The following VPS45 variants were observed in gnomAD, a reference collection of about 807,000 sequenced individuals.
The protein encoded by VPS45 is vacuolar protein sorting 45 homolog.
In VPS45, 35 loss-of-function variants were observed where a neutral mutation model predicts 75.9. That is an observed-to-expected ratio of 0.46 (90% confidence interval 0.35 to 0.61). VPS45 has a LOEUF of 0.61. Among genes scored for constraint, VPS45 ranks in the 20% least tolerant of loss-of-function variants. VPS45 has a pLI of 0.00. For missense variants in VPS45, 559 were observed against 685.9 expected, an observed-to-expected ratio of 0.81 and a Z score of 2.07; for synonymous variants, 220 against 238.2, an observed-to-expected ratio of 0.92 and a Z score of 0.70.
chr1:150,081,303 T>G, intron 7 of VPS45, 39 bp from the exon 8 acceptor site: 1 of 1,563,416 alleles, frequency 6.4e-7, no homozygotes, highest in Non-Finnish European at 8.6e-7. Flanking sequence ...ATTTCCATAT[T>G]CTGTCAGTTA....
At chr1:150,121,957 G>C (rs1262057309) in intron 14 of VPS45, among the ~76,000 whole-genome samples, 1 of 152,168 alleles carries the variant, frequency 6.6e-6, no homozygotes, top group Non-Finnish European at 1.5e-5. Flanking sequence ...AAGGGAAATT[G>C]ATAGTGCTTG....
chr1:150,106,413 G>A (rs904102423), intron 13 of VPS45, among the ~76,000 whole-genome samples: 1 of 151,984 alleles, frequency 6.6e-6, no homozygotes, highest in Non-Finnish European at 1.5e-5. Context: ...CTGGGCAAAC[G>A]ACATGAAAAG....
chr1:150,088,434 A>AATATATATATATAT (rs200780573), intron 10 of VPS45, among the ~76,000 whole-genome samples: 71 of 125,524 alleles, frequency 5.7e-4, no homozygotes, highest in African/African-American at 1.8e-3. Context: ...CTGAATAATA[A>AATATATATATATAT]ATATATATAT....
At chr1:150,091,883 A>T in intron 10 of VPS45, 54 bp from the exon 11 acceptor site, 1 of 1,546,206 alleles carries the variant, frequency 6.5e-7, no homozygotes, top group Non-Finnish European at 8.8e-7. Context: ...AAGGCATTGT[A>T]CAACAGATGA....
intron 12 of VPS45, 114 bp downstream of exon 12, chr1:150,092,523 G>T (rs1656389570): frequency 1.2e-6 from 1 of 815,976 alleles, no homozygotes; most frequent in African/African-American, 1.7e-5. Context: ...ATTTAGTACT[G>T]TGTCAGTTAA....
At chr1:150,090,947 A>G (rs1394934473) in intron 10 of VPS45, among the ~76,000 whole-genome samples, 1 of 152,208 alleles carries the variant, frequency 6.6e-6, no homozygotes, top group Non-Finnish European at 1.5e-5. Context: ...CTTGCAGAAC[A>G]CACTTCTGTA....
At position 150,140,386 on chromosome 1, in the gene VPS45, GGTGTGTGTGTGTGTGTGTGTGTGTGT is replaced by G. The variant is rs574312693; in HGVS notation, c.1626-4306_1626-4281del. Among the ~76,000 whole-genome samples the G allele has an allele frequency of 4.3e-4, 60 of 140,432 alleles. 1 individual carries two copies. The East Asian group carries it at 0.012, about 28-fold the overall frequency. 92.1% of individuals were successfully genotyped at this position (140,432 alleles called of 152,430 possible). A position where few individuals can be genotyped will look rare whatever the true frequency, so the allele number is the denominator to read the frequency against. On this transcript the variant is annotated intron_variant, in intron 14 of 14. Transcript: ENST00000644510. Reference sequence around the variant, plus strand: ...ATTATATCCCAATTCCATCACTTCTGGTGTGTGTGTGTGTGTGTGTGTGTGTGTGTGTGTGTGTGTGTATTTAAAGT... The same window carrying G: ...ATTATATCCCAATTCCATCACTTCTGGTGTGTGTGTGTGTGTATTTAAAGT...
chr1:150,089,281 A>G (rs1656194047), intron 10 of VPS45, among the ~76,000 whole-genome samples: 1 of 152,190 alleles, frequency 6.6e-6, no homozygotes, highest in Non-Finnish European at 1.5e-5. Context: ...AGGGCAGGAA[A>G]TGAGACATTG....
chr1:150,076,372 T>C, intron 4 of VPS45, 60 bp downstream of exon 4: 3 of 1,368,420 alleles, frequency 2.2e-6, no homozygotes. Context: ...TATTTGAGTC[T>C]AAAAATAAAA....
At chr1:150,127,202 A>T (rs587758932) in intron 14 of VPS45, among the ~76,000 whole-genome samples, 17 of 152,370 alleles carry the variant, frequency 1.1e-4, no homozygotes, top group Admixed American at 5.2e-4. Context: ...AAAATACACT[A>T]CTAAAATTAA....
chr1:150,077,051 A>G (rs1043279720), intron 5 of VPS45, 43 bp from the exon 6 acceptor site: 16 of 1,613,068 alleles, frequency 9.9e-6, no homozygotes, highest in African/African-American at 1.3e-5. Flanking sequence ...CTTGTAAGAG[A>G]AAATTCAAAT....
chr1:150,067,754 T>G, upstream of VPS45: 1 of 1,189,734 alleles, frequency 8.4e-7, no homozygotes, highest in Non-Finnish European at 1.2e-6. Flanking sequence ...GGAAGCCGAA[T>G]CCCGGCTGGG....
intron 4 of VPS45, 22 bp from the exon 5 acceptor site, chr1:150,076,894 A>T: frequency 1.9e-6 from 3 of 1,613,378 alleles, no homozygotes; most frequent in Non-Finnish European, 2.5e-6. Context: ...TGGAATGACT[A>T]TTCTTGGTGC....
At chr1:150,108,886 C>A (rs147394624) in intron 13 of VPS45, among the ~76,000 whole-genome samples, 378 of 152,232 alleles carry the variant, frequency 2.5e-3, no homozygotes, top group African/African-American at 8.6e-3. Flanking sequence ...CTGCTGTGCC[C>A]CCGCCCAGTT....
intron 3 of VPS45, among the ~76,000 whole-genome samples, chr1:150,074,381 T>C (rs1655252092): frequency 6.6e-6 from 1 of 152,168 alleles, no homozygotes; most frequent in South Asian, 2.1e-4. Flanking sequence ...AAAAAAAGTT[T>C]TCTTAATTTA....
intron 13 of VPS45, among the ~76,000 whole-genome samples, chr1:150,104,018 T>C (rs1657183284): frequency 6.6e-6 from 1 of 152,220 alleles, no homozygotes; most frequent in Non-Finnish European, 1.5e-5. Context: ...TGAGCAAATA[T>C]ATATATTACT....
intron 14 of VPS45, among the ~76,000 whole-genome samples, chr1:150,142,029 G>C (rs1273750660): frequency 3.3e-5 from 5 of 152,070 alleles, no homozygotes; most frequent in African/African-American, 1.2e-4. Flanking sequence ...CTAGCAATAT[G>C]TTCATTCGCC....
intron 14 of VPS45, among the ~76,000 whole-genome samples, chr1:150,133,921 C>T (rs1553812991): frequency 6.6e-6 from 1 of 152,166 alleles, no homozygotes; most frequent in East Asian, 1.9e-4. Flanking sequence ...TCATTGTTTG[C>T]TTTTCTTGCT....
chr1:150,114,511 T>C (rs1444821360), intron 14 of VPS45, among the ~76,000 whole-genome samples: 6 of 145,040 alleles, frequency 4.1e-5, no homozygotes, highest in South Asian at 2.2e-4. Flanking sequence ...TAGGAGGCCA[T>C]GGCGGGAGGA....
Sources: gnomAD v4.1 joint callset for allele counts (sites outside exome capture counted in the v4.1 genomes callset) on GRCh38, gnomAD v4.1.1 for gene constraint, MANE v1.5 for transcripts, NCBI Gene and HGNC (gene_info 2026-07-23, HGNC 2026-07-21) for gene names.